The following TMEM63C variants were observed in gnomAD, a reference collection of about 807,000 sequenced individuals.
TMEM63C encodes the protein osmosensitive cation channel TMEM63C.
A neutral mutation model predicts 99.2 loss-of-function variants in TMEM63C; 32 were observed. The observed-to-expected ratio is 0.32, with a 90% CI of 0.24 to 0.43. The LOEUF (loss-of-function observed/expected upper bound fraction) is 0.43, where lower values mean the gene tolerates loss of function less well. Among genes scored for constraint, TMEM63C ranks in the 20% least tolerant of loss-of-function variants. TMEM63C has a pLI of 1.00. For missense variants in TMEM63C, 826 were observed against 1,053.0 expected, an observed-to-expected ratio of 0.78 and a Z score of 2.98; for synonymous variants, 376 against 397.9, an observed-to-expected ratio of 0.94 and a Z score of 0.66.
intron 8 of TMEM63C, 74 bp from the exon 9 acceptor site, chr14:77,236,549 GC>G: frequency 9.5e-7 from 1 of 1,051,378 alleles, no homozygotes; most frequent in East Asian, 2.4e-5. Flanking sequence ...GTAGGAGGAG[GC>G]CCAGGGGTCT....
chr14:77,240,452 C>T, intron 12 of TMEM63C, 23 bp from the exon 13 acceptor site: 1 of 1,601,950 alleles, frequency 6.2e-7, no homozygotes, highest in Non-Finnish European at 8.5e-7. Context: ...GGCCCCAGCC[C>T]TGAAGGCTGC....
At chr14:77,250,641 T>C (rs1054816215) in intron 21 of TMEM63C, among the ~76,000 whole-genome samples, 1 of 152,076 alleles carries the variant, frequency 6.6e-6, no homozygotes, top group African/African-American at 2.4e-5. Flanking sequence ...GGTTTCACCA[T>C]GTTGCCCAGG....
rs757143477 is a variant in TMEM63C at position 77,244,339 on chromosome 14, C to G, written c.1342-10C>G. On this transcript the variant is annotated splice_polypyrimidine_tract_variant and intron_variant, in intron 15 of 23. Transcript: ENST00000298351. ...CGTCTCTCCTGCCGTCCTCCCCTCT[C>G]CCCCTGCAGAACCCAATTGTGACCC... 9 of 1,604,432 alleles carry G rather than the reference C, an allele frequency of 5.6e-6. No homozygotes were observed. The South Asian group carries it at 7.7e-5, about 14-fold the overall frequency.
rs1566627957 is a variant in TMEM63C at position 77,236,345 on chromosome 14, C to CTGTGGTGGGTGGGGGGTATAGGG, written c.543-279_543-278insTGTGGTGGGTGGGGGGTATAGGG. On this transcript the variant is annotated intron_variant, in intron 8 of 23. Transcript: ENST00000298351. ...AGACTGTGATGGGTGGGGGTATGGG[C>CTGTGGTGGGTGGGGGGTATAGGG]AGACTGTGGTGGGTGGGGGGTATGG... 0.01 allele frequency among the ~76,000 whole-genome samples: 28 copies of CTGTGGTGGGTGGGGGGTATAGGG among 2,778 alleles called. 5 individuals are homozygous for CTGTGGTGGGTGGGGGGTATAGGG. The East Asian group carries it at 0.13, about 13-fold the overall frequency. 1.8% of individuals were successfully genotyped at this position (2,778 alleles called of 152,430 possible).
chr14:77,216,737 C>A (rs1888593696), intron 2 of TMEM63C, among the ~76,000 whole-genome samples: 1 of 152,184 alleles, frequency 6.6e-6, no homozygotes, highest in Non-Finnish European at 1.5e-5. Context: ...CAGAATATTT[C>A]CAAAATCTGA....
At chr14:77,226,635 C>T (rs389682) in intron 6 of TMEM63C, among the ~76,000 whole-genome samples, 76,907 of 151,792 alleles carry the variant, frequency 0.51, 20,250 homozygotes, top group East Asian at 0.76. Flanking sequence ...AGTAAAGGAC[C>T]GTGTGAGCCA....
intron 3 of TMEM63C, 25 bp from the exon 4 acceptor site, chr14:77,219,473 C>T (rs1025535813): frequency 6.2e-7 from 1 of 1,613,302 alleles, no homozygotes; most frequent in Non-Finnish European, 8.5e-7. Flanking sequence ...GTCTCCCACC[C>T]CACATTGCTT....
rs759847082 is a variant in TMEM63C at position 77,233,369 on chromosome 14, G to A, written c.494-83G>A. The A allele has an allele frequency of 4.8e-5, 67 of 1,409,668 alleles. No homozygotes were observed. The East Asian group carries it at 4.8e-4, about 10-fold the overall frequency. 87.3% of individuals were successfully genotyped at this position (1,409,668 alleles called of 1,614,324 possible). ...AAAGGCAAGCATCTCCAGACCCCAC[G>A]CATTTGTCCAGGAACCTTGAATTCT... is the stretch of plus-strand genomic sequence containing the variant. On this transcript the variant is annotated intron_variant, in intron 7 of 23. Transcript: ENST00000298351.
intron 16 of TMEM63C, among the ~76,000 whole-genome samples, chr14:77,245,500 T>C (rs76419913): frequency 0.011 from 1,614 of 152,352 alleles, 13 homozygotes; most frequent in Middle Eastern, 0.017. Flanking sequence ...TTAGTCCATT[T>C]GCACTCTGCT....
intron 1 of TMEM63C, among the ~76,000 whole-genome samples, chr14:77,212,946 TAACCCCAAAG>T (rs1888516374): frequency 6.6e-6 from 1 of 152,210 alleles, no homozygotes; most frequent in African/African-American, 2.4e-5. Context: ...GTCCTCTCCC[TAACCCCAAAG>T]GCTGGGATGT....
intron 5 of TMEM63C, among the ~76,000 whole-genome samples, chr14:77,222,176 TC>T (rs1043546650): frequency 5.3e-5 from 8 of 152,202 alleles, no homozygotes; most frequent in Non-Finnish European, 1.0e-4. Context: ...CATTTGGGGT[TC>T]CATTTGTCCA....
At chr14:77,256,130 A>T (rs1263066480) in intron 23 of TMEM63C, among the ~76,000 whole-genome samples, 1 of 152,188 alleles carries the variant, frequency 6.6e-6, no homozygotes, top group Non-Finnish European at 1.5e-5. Flanking sequence ...ATCCCGAGGG[A>T]GTTCTGAATG....
chr14:77,212,476 T>C (rs1348605470), intron 1 of TMEM63C, among the ~76,000 whole-genome samples: 2 of 152,238 alleles, frequency 1.3e-5, no homozygotes, highest in East Asian at 3.8e-4. Flanking sequence ...GTGTTTTCTG[T>C]TGACATCCTA....
chr14:77,239,187 GC>G (rs1889112725), intron 10 of TMEM63C, among the ~76,000 whole-genome samples: 1 of 152,214 alleles, frequency 6.6e-6, no homozygotes, highest in African/African-American at 2.4e-5. Flanking sequence ...GTGGAGCTCC[GC>G]CCTTTTGCCC....
Position 77,256,540 on chromosome 14 carries a change from C to G in TMEM63C, c.2235C>G (p.Thr745=). 4 of 1,613,946 alleles carry G rather than the reference C, an allele frequency of 2.5e-6. No homozygotes were observed. The highest frequency in any genetic ancestry group is 3.4e-6 in the Non-Finnish European group (4 of 1,179,864). ...STPTSLLYVA[T]VLQEPELNLT... ...ATCCCAAGCAGCTGTATGTGGCCACCGTGCTGCAAGAACCGGAGTTGAATC... is the reference window on the plus strand; with the variant it reads ...ATCCCAAGCAGCTGTATGTGGCCACGGTGCTGCAAGAACCGGAGTTGAATC... The change falls in exon 24 of 24, where the codon ACC becomes ACG. Residue 745 remains threonine (T), a synonymous_variant. Transcript: ENST00000298351.
At chr14:77,252,186 G>A (rs779939751) in intron 22 of TMEM63C, among the ~76,000 whole-genome samples, 7 of 152,222 alleles carry the variant, frequency 4.6e-5, no homozygotes, top group Middle Eastern at 3.4e-3. Flanking sequence ...AGGCTGCTGC[G>A]ATGTGAGTCC....
At chr14:77,220,193 C>A in intron 5 of TMEM63C, 106 bp downstream of exon 5, 1 of 1,031,816 alleles carries the variant, frequency 9.7e-7, no homozygotes, top group Non-Finnish European at 1.4e-6. Flanking sequence ...TTGTAATCAG[C>A]CAGCCTCAAC....
At chr14:77,231,828 T>C in intron 7 of TMEM63C, 98 bp downstream of exon 7, 1 of 1,335,884 alleles carries the variant, frequency 7.5e-7, no homozygotes, top group South Asian at 1.3e-5. Context: ...ACATCTATTT[T>C]AATCCTGCCT....
intron 1 of TMEM63C, among the ~76,000 whole-genome samples, chr14:77,198,758 G>C (rs1010018985): frequency 2.6e-5 from 4 of 152,208 alleles, no homozygotes; most frequent in African/African-American, 7.2e-5. Flanking sequence ...GGAAGTGCAG[G>C]AGGGAAGCAG....
Sources: gnomAD v4.1 joint callset for allele counts (sites outside exome capture counted in the v4.1 genomes callset) on GRCh38, gnomAD v4.1.1 for gene constraint, MANE v1.5 for transcripts, NCBI Gene and HGNC (gene_info 2026-07-23, HGNC 2026-07-21) for gene names.